Variants in ERC1 observed in about 807,000 individuals in gnomAD.
ERC1 encodes RAB6 interacting protein 2.
ERC1 carries 56 observed loss-of-function variants against 132.0 expected under a neutral mutation model. That is an observed-to-expected ratio of 0.42 (90% CI 0.34 to 0.53). The LOEUF (loss-of-function observed/expected upper bound fraction) is 0.53. ERC1 is among the 20% of genes least tolerant of loss of function. The pLI is 0.03. For synonymous variants in ERC1, 478 were observed against 476.1 expected (o/e 1.00, Z -0.05); for missense variants, 1,202 against 1,349.9 (o/e 0.89, Z 1.72).
At chr12:1,487,319 CT>C (rs1377419692) in intron 18 of ERC1, among the ~76,000 whole-genome samples, 1 of 143,952 alleles carries the variant, frequency 6.9e-6, no homozygotes, top group Non-Finnish European at 1.5e-5. Context: ...CTCAGAGCAT[CT>C]AGATTCTTTC....
intron 16 of ERC1, among the ~76,000 whole-genome samples, chr12:1,379,476 T>C (rs924578549): frequency 6.6e-6 from 1 of 152,224 alleles, no homozygotes; most frequent in Non-Finnish European, 1.5e-5. Flanking sequence ...GGTCTTCCAG[T>C]TTCCGCCCAC....
chr12:1,378,251 C>T (rs529627270), intron 16 of ERC1, among the ~76,000 whole-genome samples: 1 of 152,256 alleles, frequency 6.6e-6, no homozygotes, highest in South Asian at 2.1e-4. Flanking sequence ...AGGGCCCTGA[C>T]CGCTCCCCGT....
intron 17 of ERC1, among the ~76,000 whole-genome samples, chr12:1,424,861 GAT>G (rs2092576828): frequency 1.1e-5 from 1 of 92,414 alleles, no homozygotes; most frequent in African/African-American, 4.8e-5. Context: ...TAGATAGATA[GAT>G]CGATAGATAG....
intron 12 of ERC1, among the ~76,000 whole-genome samples, chr12:1,195,168 C>T (rs976530509): frequency 6.6e-6 from 1 of 152,128 alleles, no homozygotes; most frequent in Non-Finnish European, 1.5e-5. Flanking sequence ...ATTGTTTGAG[C>T]TTTGACAAAT....
At chr12:1,439,986 AT>A (rs1056118097) in intron 17 of ERC1, among the ~76,000 whole-genome samples, 1 of 152,164 alleles carries the variant, frequency 6.6e-6, no homozygotes, top group African/African-American at 2.4e-5. Flanking sequence ...TTACAGATAG[AT>A]TTGGGGACTA....
At chr12:1,031,360 G>T (rs564220966) in intron 2 of ERC1, among the ~76,000 whole-genome samples, 2 of 152,210 alleles carry the variant, frequency 1.3e-5, no homozygotes, top group East Asian at 3.9e-4. Flanking sequence ...ATTATGCTGT[G>T]ACCTTCTTTT....
Position 1,201,804 on chromosome 12 carries a change from A to G in ERC1, c.2351+11752A>G, listed in dbSNP as rs537360833. 5.9e-5 allele frequency among the ~76,000 whole-genome samples: 9 copies of G among 152,344 alleles called. No individual in the cohort carries two copies. The South Asian group carries it at 1.4e-3, about 25-fold the overall frequency. ...ATAAACTGCTATATAATTCATGAGG[A>G]AAGTGTCTCTTTAGAGAAAAATATT... On this transcript the variant is annotated intron_variant, in intron 12 of 18. Coordinates refer to ENST00000360905, the MANE Select transcript of ERC1 (RefSeq NM_178040.4).
chr12:1,446,225 G>A (rs753230298), intron 18 of ERC1, among the ~76,000 whole-genome samples: 1 of 151,800 alleles, frequency 6.6e-6, no homozygotes, highest in Non-Finnish European at 1.5e-5. Flanking sequence ...AGGCTAGCCT[G>A]GAGACAAAAA....
At chr12:1,105,867 C>T (rs1213089138) in intron 4 of ERC1, among the ~76,000 whole-genome samples, 1 of 152,124 alleles carries the variant, frequency 6.6e-6, no homozygotes, top group Non-Finnish European at 1.5e-5. Context: ...TGCTGTATAT[C>T]TTTAGTGCAG....
intron 1 of ERC1, among the ~76,000 whole-genome samples, chr12:1,019,630 C>T (rs2154144330): frequency 6.6e-6 from 1 of 152,326 alleles, no homozygotes; most frequent in East Asian, 1.9e-4. Context: ...CCCCTGGAAT[C>T]CCTTACCCAT....
chr12:1,036,410 T>C (rs1044270417), intron 2 of ERC1, among the ~76,000 whole-genome samples: 2 of 151,910 alleles, frequency 1.3e-5, no homozygotes, highest in Non-Finnish European at 2.9e-5. Context: ...GTTTTGCTCT[T>C]GTTGCCCAGC....
chr12:1,410,710 G>A (rs1414074624), intron 17 of ERC1, among the ~76,000 whole-genome samples: 1 of 149,980 alleles, frequency 6.7e-6, no homozygotes, highest in Non-Finnish European at 1.5e-5. Context: ...ACATTTTTGG[G>A]AGAACTTCTA....
chr12:1,458,451 A>G (rs915066751), intron 18 of ERC1, among the ~76,000 whole-genome samples: 4 of 152,116 alleles, frequency 2.6e-5, no homozygotes, highest in Non-Finnish European at 5.9e-5. Context: ...TTAACAGATA[A>G]ATAGATTTAG....
intron 2 of ERC1, among the ~76,000 whole-genome samples, chr12:1,041,935 G>C (rs1464125124): frequency 6.6e-6 from 1 of 152,136 alleles, no homozygotes; most frequent in African/African-American, 2.4e-5. Context: ...TTTTAGTAGA[G>C]ACGGGGTGTT....
At chr12:1,375,024 AG>A (rs1359100855) in intron 16 of ERC1, among the ~76,000 whole-genome samples, 2 of 152,146 alleles carry the variant, frequency 1.3e-5, no homozygotes, top group Non-Finnish European at 2.9e-5. Flanking sequence ...GGGATACAAA[AG>A]CACAGTGCTC....
At chr12:1,309,252 C>T (rs200650506) in intron 15 of ERC1, among the ~76,000 whole-genome samples, 1 of 152,082 alleles carries the variant, frequency 6.6e-6, no homozygotes, top group African/African-American at 2.4e-5. Flanking sequence ...TGCATGATGT[C>T]GTATTGAACT....
At chr12:1,212,634 A>G (rs1309715832) in intron 12 of ERC1, among the ~76,000 whole-genome samples, 1 of 152,194 alleles carries the variant, frequency 6.6e-6, no homozygotes, top group Non-Finnish European at 1.5e-5. Flanking sequence ...GTTGAGTAGG[A>G]CAGGGTTTTA....
intron 7 of ERC1, among the ~76,000 whole-genome samples, chr12:1,129,377 T>TA (rs1447569616): frequency 3.3e-5 from 5 of 152,088 alleles, no homozygotes; most frequent in African/African-American, 9.7e-5. Context: ...AAAAAAAACT[T>TA]ACCAGGTGTG....
At chr12:1,313,687 C>G (rs965667337) in intron 15 of ERC1, among the ~76,000 whole-genome samples, 1 of 151,368 alleles carries the variant, frequency 6.6e-6, no homozygotes. Context: ...ATTAAATATT[C>G]TAAAATTTTT....
Sources: allele counts gnomAD v4.1 joint callset (sites outside exome capture counted in the v4.1 genomes callset), GRCh38; gene constraint gnomAD v4.1.1; transcripts MANE v1.5; gene names NCBI Gene and HGNC (gene_info 2026-07-23, HGNC 2026-07-21).